EXOC6B: variants seen among roughly 807,000 people sequenced by gnomAD.
The protein encoded by EXOC6B is exocyst complex component 6B, also known as SEC15 homolog B.
A neutral mutation model predicts 113.5 loss-of-function variants in EXOC6B; 54 were observed. That is an observed-to-expected ratio of 0.48 (90% CI 0.38 to 0.60). The LOEUF is 0.60. EXOC6B is among the 20% of genes least tolerant of loss of function. The pLI is 0.00. For synonymous variants in EXOC6B, 357 were observed against 339.0 expected, an observed-to-expected ratio of 1.05 and a Z score of -0.58; for missense variants, 797 against 977.5, an observed-to-expected ratio of 0.82 and a Z score of 2.46.
chr2:72,416,978 T>A (rs1299615056), intron 18 of EXOC6B, among the ~76,000 whole-genome samples: 1 of 152,158 alleles, frequency 6.6e-6, no homozygotes, highest in Non-Finnish European at 1.5e-5. Context: ...GGTGACAATA[T>A]AATCAAAAGT....
At chr2:72,237,188 A>T (rs1682017203) in intron 20 of EXOC6B, among the ~76,000 whole-genome samples, 1 of 152,154 alleles carries the variant, frequency 6.6e-6, no homozygotes, top group South Asian at 2.1e-4. Flanking sequence ...GCGTTATATG[A>T]GGCTGTGGGA....
At chr2:72,319,327 C>T (rs1687715533) in intron 20 of EXOC6B, among the ~76,000 whole-genome samples, 1 of 152,014 alleles carries the variant, frequency 6.6e-6, no homozygotes, top group Admixed American at 6.6e-5. Flanking sequence ...ACTCCCCCAC[C>T]CACTAAGATC....
intron 20 of EXOC6B, among the ~76,000 whole-genome samples, chr2:72,203,672 G>A (rs1319983398): frequency 1.3e-5 from 2 of 152,188 alleles, no homozygotes; most frequent in Non-Finnish European, 2.9e-5. Flanking sequence ...TAACCACCAA[G>A]AATTCACTAA....
intron 19 of EXOC6B, among the ~76,000 whole-genome samples, chr2:72,375,881 A>G (rs1572992120): frequency 6.6e-6 from 1 of 152,334 alleles, no homozygotes; most frequent in African/African-American, 2.4e-5. Flanking sequence ...TGGTCTCTCC[A>G]CATGAGCTTG....
intron 16 of EXOC6B, among the ~76,000 whole-genome samples, chr2:72,483,941 A>G (rs1475161781): frequency 1.3e-5 from 2 of 152,212 alleles, no homozygotes; most frequent in Non-Finnish European, 2.9e-5. Flanking sequence ...AATAGATCAA[A>G]TATTGATTAT....
intron 20 of EXOC6B, among the ~76,000 whole-genome samples, chr2:72,314,288 T>C (rs1251820947): frequency 2.0e-5 from 3 of 152,194 alleles, no homozygotes; most frequent in Non-Finnish European, 4.4e-5. Flanking sequence ...TATACTCTAC[T>C]CTACTCTGCT....
At chr2:72,761,625 G>GACACT (rs1433406981) in intron 1 of EXOC6B, among the ~76,000 whole-genome samples, 12 of 152,066 alleles carry the variant, frequency 7.9e-5, no homozygotes, top group Non-Finnish European at 1.5e-4. Context: ...AAATTAAATA[G>GACACT]ACACTGTTTT....
Position 72,825,864 on chromosome 2 carries a change from G to T in EXOC6B, c.47C>A (p.Ala16Glu). ...CTCTCGCAGGATCCGCTCGTGCTCT[G>T]CCGCTGTCTCCAGGCTCTCCGCCTC... is the stretch of plus-strand genomic sequence containing the variant. The part of the protein sequence containing the change: ...MAEAESLETA[A>E]EHERILREIE... The change falls in exon 1 of 22, where the codon GCA (alanine) becomes GAA (glutamate). Residue 16 changes from alanine to glutamate, a missense_variant. Ala to Glu is a moderately radical substitution (Grantham distance 107). Transcript: ENST00000272427. This position sits in a 1 kb window ranked among gnomAD's most constrained non-coding sequence, Gnocchi z 4.4. The T allele has an allele frequency of 6.2e-7, 1 of 1,613,552 alleles. No individual in the cohort carries two copies.
intron 6 of EXOC6B, among the ~76,000 whole-genome samples, chr2:72,671,916 AAAAG>A (rs1180862326): frequency 7.9e-5 from 12 of 151,002 alleles, no homozygotes; most frequent in East Asian, 1.9e-4. Context: ...AGAAAGAAAG[AAAAG>A]AAAGAAAGAG....
chr2:72,566,366 C>T (rs1003702588), intron 7 of EXOC6B, among the ~76,000 whole-genome samples: 2 of 152,016 alleles, frequency 1.3e-5, no homozygotes, highest in Non-Finnish European at 2.9e-5. Context: ...GCCGTTTATT[C>T]CTTTTTATTT....
In EXOC6B at chr2:72,248,140, T is replaced by C. The variant is rs191381536; in HGVS notation, c.2197-63953A>G. On this transcript the variant is annotated intron_variant, in intron 20 of 21. Transcript: ENST00000272427. ...GCCAGAATCTGAACTACTTAGACAA[T>C]ACAAAAATGATGATGACATGAATAA... is the stretch of plus-strand genomic sequence containing the variant. Among the ~76,000 whole-genome samples the C allele has an allele frequency of 1.7e-3, 259 of 152,280 alleles. 2 individuals carry two copies. The highest frequency in any genetic ancestry group is 5.9e-3 in the African/African-American group (244 of 41,562).
At chr2:72,615,612 T>C (rs910697403) in intron 6 of EXOC6B, among the ~76,000 whole-genome samples, 3 of 150,276 alleles carry the variant, frequency 2.0e-5, no homozygotes, top group African/African-American at 7.3e-5. Context: ...AAAACCACTG[T>C]GTGGCCAGGC....
At chr2:72,701,172 A>G (rs910722733) in intron 6 of EXOC6B, among the ~76,000 whole-genome samples, 2 of 151,156 alleles carry the variant, frequency 1.3e-5, no homozygotes, top group Non-Finnish European at 2.9e-5. Context: ...GTGAAACCCC[A>G]TCTCTACTAA....
At chr2:72,427,138 C>G (rs1573095401) in intron 18 of EXOC6B, among the ~76,000 whole-genome samples, 1 of 152,318 alleles carries the variant, frequency 6.6e-6, no homozygotes, top group Non-Finnish European at 1.5e-5. Context: ...CAAGTGGGAG[C>G]CCCCCTGGAG....
At chr2:72,262,038 T>C (rs1207411843) in intron 20 of EXOC6B, among the ~76,000 whole-genome samples, 1 of 152,192 alleles carries the variant, frequency 6.6e-6, no homozygotes, top group Non-Finnish European at 1.5e-5. Flanking sequence ...ATAGATCTCC[T>C]GATTTCAGTT....
At chr2:72,234,231 A>G (rs1681817677) in intron 20 of EXOC6B, among the ~76,000 whole-genome samples, 1 of 151,842 alleles carries the variant, frequency 6.6e-6, no homozygotes, top group Admixed American at 6.6e-5. Flanking sequence ...GATTACAGGC[A>G]CGTGCCACCA....
At chr2:72,220,464 G>C (rs902176013) in intron 20 of EXOC6B, among the ~76,000 whole-genome samples, 1 of 152,180 alleles carries the variant, frequency 6.6e-6, no homozygotes, top group African/African-American at 2.4e-5. Context: ...AAACCTTCCA[G>C]ATGGGCACTC....
intron 19 of EXOC6B, among the ~76,000 whole-genome samples, chr2:72,354,730 T>C (rs1162706781): frequency 1.3e-5 from 2 of 152,192 alleles, no homozygotes; most frequent in Admixed American, 6.5e-5. Context: ...AGAAGTGACA[T>C]TGCCATTTGA....
chr2:72,609,681 GA>G (rs1390915538), intron 6 of EXOC6B, among the ~76,000 whole-genome samples: 1 of 151,656 alleles, frequency 6.6e-6, no homozygotes, highest in African/African-American at 2.4e-5. Context: ...AGATAAAGTA[GA>G]AAAAAATATT....
Sources: allele counts gnomAD v4.1 joint callset (sites outside exome capture counted in the v4.1 genomes callset), GRCh38; gene constraint gnomAD v4.1.1; non-coding constraint Gnocchi (gnomAD v3.1); transcripts MANE v1.5; gene names NCBI Gene and HGNC (gene_info 2026-07-23, HGNC 2026-07-21).